The following RYR3 variants were observed in gnomAD, a reference collection of about 807,000 sequenced individuals.
The protein encoded by RYR3 is ryanodine receptor 3.
In RYR3, 207 loss-of-function variants were observed where a neutral mutation model predicts 584.3. The observed-to-expected ratio is 0.35, with a 90% confidence interval of 0.32 to 0.40. The LOEUF is 0.40. RYR3 is among the 10% of genes least tolerant of loss of function. The probability of loss-of-function intolerance (pLI) is 1.00; values close to 1 mark genes in which losing one functional copy is unlikely to be tolerated. For missense variants in RYR3, 5,616 were observed against 6,089.2 expected, an observed-to-expected ratio of 0.92 and a Z score of 2.59; for synonymous variants, 2,416 against 2,248.5, an observed-to-expected ratio of 1.07 and a Z score of -2.11.
At chr15:33,437,103 A>G (rs2596232) in intron 1 of RYR3, among the ~76,000 whole-genome samples, 1 of 147,466 alleles carries the variant, frequency 6.8e-6, no homozygotes, top group Non-Finnish European at 1.5e-5. Context: ...AGTGTGTGTG[A>G]GAGAGAGAGA....
chr15:33,751,242 A>G (rs1205314925), intron 57 of RYR3, among the ~76,000 whole-genome samples: 4 of 152,236 alleles, frequency 2.6e-5, no homozygotes, highest in Admixed American at 6.5e-5. Context: ...TCCTTTGGGT[A>G]TATACCCAGT....
intron 11 of RYR3, among the ~76,000 whole-genome samples, chr15:33,564,513 C>T (rs1008241228): frequency 6.6e-6 from 1 of 152,146 alleles, no homozygotes; most frequent in Non-Finnish European, 1.5e-5. Context: ...AAATAAATGC[C>T]ACAAACCCAT....
chr15:33,865,287 T>G lies in RYR3; in HGVS notation c.*61T>G. 1 of 1,192,490 alleles carries G rather than the reference T, an allele frequency of 8.4e-7. No individual in the cohort carries two copies. Among genetic ancestry groups the G allele is most frequent in the Non-Finnish European group, 1.2e-6 (1 of 811,950 alleles). The allele number at this position is 1,192,490 out of a possible 1,614,324, so 73.9% of individuals were successfully genotyped here. A position where few individuals can be genotyped will look rare whatever the true frequency, so the allele number is the denominator to read the frequency against. ...CAACTTCCCATGAAATAAAGTCCCC[T>G]TTTTACAGTTCTGCAACATATCTGA... is the stretch of plus-strand genomic sequence containing the variant. On this transcript the variant is annotated 3_prime_UTR_variant, in exon 104 of 104. Coordinates refer to ENST00000634891, the MANE Select transcript of RYR3 (RefSeq NM_001036.6).
chr15:33,702,914 C>T (rs150041354), intron 42 of RYR3, among the ~76,000 whole-genome samples: 3 of 151,934 alleles, frequency 2.0e-5, no homozygotes, highest in Non-Finnish European at 2.9e-5. Flanking sequence ...TTTTTTTCTT[C>T]GTGTCGCATA....
intron 85 of RYR3, among the ~76,000 whole-genome samples, chr15:33,830,444 CTTAA>C (rs2077607720): frequency 6.6e-6 from 1 of 152,214 alleles, no homozygotes; most frequent in African/African-American, 2.4e-5. Flanking sequence ...CTATTGCACA[CTTAA>C]TAGACTACAG....
At chr15:33,407,823 G>C (rs1322650866) in intron 1 of RYR3, among the ~76,000 whole-genome samples, 2 of 152,104 alleles carry the variant, frequency 1.3e-5, no homozygotes, top group African/African-American at 4.8e-5. Context: ...TGGATTCCTG[G>C]CTAACCATAG....
chr15:33,790,098 TCTC>T (rs2075063583), intron 67 of RYR3, among the ~76,000 whole-genome samples: 1 of 146,318 alleles, frequency 6.8e-6, no homozygotes. Flanking sequence ...TTCACGCCAT[TCTC>T]CTCCTCAACC....
chr15:33,666,623 G>T (rs954232799), intron 36 of RYR3, among the ~76,000 whole-genome samples: 2 of 85,554 alleles, frequency 2.3e-5, no homozygotes, highest in Non-Finnish European at 6.5e-5. Context: ...TTAAAACAGT[G>T]ATATCCTTCT....
At chr15:33,488,788 T>A (rs951778222) in intron 2 of RYR3, among the ~76,000 whole-genome samples, 19 of 151,934 alleles carry the variant, frequency 1.3e-4, no homozygotes, top group Admixed American at 1.1e-3. Context: ...GAGGCGGGGG[T>A]TGCAGTGAGC....
At chr15:33,699,276 C>T (rs1285217033) in intron 40 of RYR3, among the ~76,000 whole-genome samples, 3 of 119,954 alleles carry the variant, frequency 2.5e-5, no homozygotes, top group East Asian at 6.0e-4. Context: ...CTCTCTCCCC[C>T]CTCCTCACTC....
At chr15:33,741,240 G>T (rs1416117988) in intron 51 of RYR3, among the ~76,000 whole-genome samples, 1 of 152,188 alleles carries the variant, frequency 6.6e-6, no homozygotes, top group Non-Finnish European at 1.5e-5. Flanking sequence ...GCAAGAATAT[G>T]GGGTCATTAT....
At chr15:33,452,876 G>A (rs2047243879) in intron 1 of RYR3, among the ~76,000 whole-genome samples, 2 of 152,178 alleles carry the variant, frequency 1.3e-5, no homozygotes, top group African/African-American at 2.4e-5. Flanking sequence ...TAAAAACACC[G>A]TAATACTTTA....
At chr15:33,519,573 A>G (rs1014320715) in intron 3 of RYR3, among the ~76,000 whole-genome samples, 5 of 151,364 alleles carry the variant, frequency 3.3e-5, no homozygotes, top group African/African-American at 1.2e-4. Context: ...CTCAGACCTC[A>G]CCATAGGCCC....
intron 47 of RYR3, among the ~76,000 whole-genome samples, chr15:33,729,824 A>G (rs1431516263): frequency 6.6e-6 from 1 of 152,174 alleles, no homozygotes; most frequent in Non-Finnish European, 1.5e-5. Flanking sequence ...ACATTTCTCA[A>G]AGGCTCCACC....
chr15:33,628,904 G>A (rs1471550349), intron 21 of RYR3, among the ~76,000 whole-genome samples: 2 of 152,328 alleles, frequency 1.3e-5, no homozygotes, highest in South Asian at 4.1e-4. Context: ...GTTTTCAGAT[G>A]TGTCACTAAG....
At chr15:33,459,557 C>CATT (rs1350523430) in intron 1 of RYR3, among the ~76,000 whole-genome samples, 2 of 152,000 alleles carry the variant, frequency 1.3e-5, no homozygotes, top group African/African-American at 2.4e-5. Context: ...CAACTCTGAC[C>CATT]ATTATTCTCT....
At chr15:33,630,362 C>T (rs187817260) in intron 22 of RYR3, among the ~76,000 whole-genome samples, 5 of 152,304 alleles carry the variant, frequency 3.3e-5, no homozygotes, top group Admixed American at 2.6e-4. Flanking sequence ...TTCTAAAACC[C>T]GTTGGGAAAC....
chr15:33,437,101 TGAGA>T (rs1369654423), intron 1 of RYR3, among the ~76,000 whole-genome samples: 11 of 145,132 alleles, frequency 7.6e-5, no homozygotes, highest in African/African-American at 1.1e-4. Flanking sequence ...TGAGTGTGTG[TGAGA>T]GAGAGAGATA....
intron 67 of RYR3, among the ~76,000 whole-genome samples, chr15:33,795,379 T>TA (rs2075541175): frequency 8.2e-6 from 1 of 122,618 alleles, no homozygotes; most frequent in African/African-American, 3.2e-5. Context: ...CTTTTTCTTT[T>TA]CTTTTTTTTT....
Sources: gnomAD v4.1 joint callset for allele counts (sites outside exome capture counted in the v4.1 genomes callset) on GRCh38, gnomAD v4.1.1 for gene constraint, MANE v1.5 for transcripts, NCBI Gene and HGNC (gene_info 2026-07-23, HGNC 2026-07-21) for gene names.